COL23A1: variants seen among roughly 807,000 people sequenced by gnomAD.
COL23A1 encodes the protein collagen alpha-1(XXIII) chain.
A neutral mutation model predicts 99.3 loss-of-function variants in COL23A1; 97 were observed. That is an observed-to-expected ratio of 0.98 (90% CI 0.83 to 1.16). COL23A1 has a LOEUF of 1.16. COL23A1 is among the 50% of genes most tolerant of loss of function. COL23A1 has a pLI of 0.00. For missense variants in COL23A1, 762 were observed against 757.4 expected (o/e 1.01, Z -0.07); for synonymous variants, 320 against 308.2 (o/e 1.04, Z -0.40).
At chr5:178,305,412 T>C (rs1381990779) in intron 3 of COL23A1, among the ~76,000 whole-genome samples, 3 of 14,460 alleles carry the variant, frequency 2.1e-4, no homozygotes, top group African/African-American at 7.5e-4. Context: ...TTGGGCCCAG[T>C]TGGCCCGGGG....
chr5:178,398,496 A>G (rs1764269529), intron 2 of COL23A1, among the ~76,000 whole-genome samples: 2 of 152,006 alleles, frequency 1.3e-5, no homozygotes, highest in East Asian at 1.9e-4. Flanking sequence ...GCGTGGTGGC[A>G]CGTGCCTATA....
chr5:178,254,168 A>C (rs561376903), intron 16 of COL23A1, among the ~76,000 whole-genome samples: 2 of 152,292 alleles, frequency 1.3e-5, no homozygotes, highest in East Asian at 3.9e-4. Context: ...AAACAAAAAC[A>C]AAACGAAGTC....
chr5:178,372,998 G>A (rs919217752), intron 2 of COL23A1, among the ~76,000 whole-genome samples: 2 of 145,990 alleles, frequency 1.4e-5, no homozygotes, highest in Admixed American at 7.0e-5. Flanking sequence ...GTGCAATCCC[G>A]GCTCACTGCA....
intron 2 of COL23A1, among the ~76,000 whole-genome samples, chr5:178,348,138 C>T (rs995427309): frequency 5.9e-5 from 9 of 151,920 alleles, no homozygotes; most frequent in Non-Finnish European, 1.3e-4. Context: ...CCATCCAGCT[C>T]CAGCTGCCCT....
At chr5:178,422,707 A>G (rs1765701781) in intron 2 of COL23A1, among the ~76,000 whole-genome samples, 2 of 152,126 alleles carry the variant, frequency 1.3e-5, no homozygotes, top group Admixed American at 1.3e-4. Context: ...ATCACTCTGC[A>G]TTTCCACGTA....
intron 17 of COL23A1, among the ~76,000 whole-genome samples, chr5:178,251,925 T>TTTTTTTTTTTA (rs1554125608): frequency 4.9e-5 from 7 of 142,854 alleles, no homozygotes; most frequent in South Asian, 2.2e-4. Flanking sequence ...TTTTTTTTTT[T>TTTTTTTTTTTA]ATTTTGAGAC....
chr5:178,387,973 T>A lies in COL23A1; in HGVS notation c.362-81054A>T, dbSNP rs1266637003. ...AAATGGGCAAGTGGGAGGAGATTGA[T>A]GCAGAAAGCCCCCCGCCACCATGGC... is the stretch of plus-strand genomic sequence containing the variant. On this transcript the variant is annotated intron_variant, in intron 2 of 28. Transcript: ENST00000390654. This position sits in a 1 kb window ranked among gnomAD's most constrained non-coding sequence, Gnocchi z 4.7. Among the ~76,000 whole-genome samples, 1 of 152,132 alleles carries A rather than the reference T, an allele frequency of 6.6e-6. No individual in the cohort carries two copies.
chr5:178,315,253 T>G (rs1758916033), intron 2 of COL23A1, among the ~76,000 whole-genome samples: 1 of 152,162 alleles, frequency 6.6e-6, no homozygotes, highest in Non-Finnish European at 1.5e-5. Context: ...CCGTGTTCTC[T>G]GGAGCTCCAA....
chr5:178,295,841 G>A (rs1757713741), intron 3 of COL23A1, among the ~76,000 whole-genome samples: 1 of 152,230 alleles, frequency 6.6e-6, no homozygotes, highest in Non-Finnish European at 1.5e-5. Context: ...GTGTATTGCT[G>A]CATTTTAAAA....
In COL23A1 at chr5:178,280,071, A is replaced by T. The variant is rs1054417115; in HGVS notation, c.441+8253T>A. On this transcript the variant is annotated intron_variant, in intron 5 of 28. Coordinates refer to ENST00000390654, the MANE Select transcript of COL23A1 (RefSeq NM_173465.4). The surrounding 1 kb of genome is among the most constrained non-coding windows in gnomAD (Gnocchi z 4.9). ...TAAATACCCGCTGAATGGATCAACA[A>T]CGGTGAAGGGAACGATTCTCTGAAT... Among the ~76,000 whole-genome samples, 2 of 152,354 alleles carry T rather than the reference A, an allele frequency of 1.3e-5. No individual in the cohort carries two copies. The highest frequency in any genetic ancestry group is 1.3e-4 in the Admixed American group (2 of 15,310).
At chr5:178,246,114 G>T in intron 24 of COL23A1, 140 bp downstream of exon 24, 1 of 1,309,824 alleles carries the variant, frequency 7.6e-7, no homozygotes, top group Non-Finnish European at 1.1e-6. Flanking sequence ...GGCCAGGACA[G>T]ACCTGGCATC....
At chr5:178,391,522 C>T (rs991455133) in intron 2 of COL23A1, among the ~76,000 whole-genome samples, 3 of 152,156 alleles carry the variant, frequency 2.0e-5, no homozygotes, top group East Asian at 1.9e-4. Flanking sequence ...ATTAAAGCCA[C>T]GATAAAGTAC....
chr5:178,241,986 C>T lies in COL23A1; in HGVS notation c.1581+56G>A, dbSNP rs560440946. ...TTCCGAGGACAGGGAAGATGTTGGG[C>T]TGACCCTGGCTGGAGGCCAAAAAGA... On this transcript the variant is annotated intron_variant, in intron 27 of 28. Coordinates refer to ENST00000390654, the MANE Select transcript of COL23A1 (RefSeq NM_173465.4). 2.4e-5 allele frequency: 33 copies of T among 1,368,832 alleles called. No individual in the cohort carries two copies. The East Asian group carries it at 4.3e-4, about 18-fold the overall frequency. The allele number at this position is 1,368,832 out of a possible 1,614,324, so 84.8% of individuals were successfully genotyped here. A position where few individuals can be genotyped will look rare whatever the true frequency, so the allele number is the denominator to read the frequency against.
intron 3 of COL23A1, among the ~76,000 whole-genome samples, chr5:178,296,486 G>C (rs967669850): frequency 6.6e-6 from 1 of 152,178 alleles, no homozygotes; most frequent in Admixed American, 6.5e-5. Flanking sequence ...CACGACCCCC[G>C]CGGATCCCAC....
intron 2 of COL23A1, among the ~76,000 whole-genome samples, chr5:178,360,015 A>T (rs1762091401): frequency 6.6e-6 from 1 of 152,180 alleles, no homozygotes; most frequent in Non-Finnish European, 1.5e-5. Flanking sequence ...CGGGTGAGAC[A>T]AGCAGCCGCT....
Position 178,281,882 on chromosome 5 carries a change from T to C in COL23A1, c.441+6442A>G, listed in dbSNP as rs1389908547. Among the ~76,000 whole-genome samples, 2 of 151,502 alleles carry C rather than the reference T, an allele frequency of 1.3e-5. No homozygotes were observed. The highest frequency in any genetic ancestry group is 3.9e-4 in the East Asian group (2 of 5,156). Reference sequence around the variant, plus strand: ...CTGTGCAACATGGCAAAACCCTGTGTCTATTAAAAACACAAAAAAATCAGC... The same window carrying C: ...CTGTGCAACATGGCAAAACCCTGTGCCTATTAAAAACACAAAAAAATCAGC... On this transcript the variant is annotated intron_variant, in intron 5 of 28. Coordinates refer to ENST00000390654, the MANE Select transcript of COL23A1 (RefSeq NM_173465.4). The surrounding 1 kb of genome is among the most constrained non-coding windows in gnomAD (Gnocchi z 4.0).
intron 27 of COL23A1, among the ~76,000 whole-genome samples, chr5:178,240,069 G>GGGGGTT (rs968275686): frequency 2.0e-5 from 3 of 152,166 alleles, no homozygotes; most frequent in African/African-American, 7.2e-5. Flanking sequence ...TCAGGTTGCT[G>GGGGGTT]GGGGTTGGGG....
intron 2 of COL23A1, among the ~76,000 whole-genome samples, chr5:178,453,257 T>C (rs527648949): frequency 3.3e-5 from 5 of 152,304 alleles, no homozygotes; most frequent in Non-Finnish European, 7.4e-5. Flanking sequence ...AAAGCTCTAG[T>C]GTTCAGTGGG....
chr5:178,562,004 A>G, intron 1 of COL23A1: 1 of 487,524 alleles, frequency 2.1e-6, no homozygotes, highest in Non-Finnish European at 4.0e-6. Flanking sequence ...AGCGAAGCAG[A>G]TCCTAAAACA....
Sources: gnomAD v4.1 joint callset for allele counts (sites outside exome capture counted in the v4.1 genomes callset) on GRCh38, gnomAD v4.1.1 for gene constraint, Gnocchi (gnomAD v3.1) non-coding constraint, MANE v1.5 for transcripts, NCBI Gene and HGNC (gene_info 2026-07-23, HGNC 2026-07-21) for gene names.